The following ATRNL1 variants were observed in gnomAD, a reference collection of about 807,000 sequenced individuals.
The protein encoded by ATRNL1 is attractin like 1.
In ATRNL1, 95 loss-of-function variants were observed where a neutral mutation model predicts 182.7. The observed-to-expected ratio is 0.52, with a 90% CI of 0.44 to 0.62. The LOEUF is 0.62. Ranked by LOEUF, ATRNL1 falls within the 20% of genes least tolerant of loss-of-function variation. The probability of loss-of-function intolerance (pLI) is 0.00; values close to 1 mark genes in which losing one functional copy is unlikely to be tolerated. For synonymous variants in ATRNL1, 576 were observed against 568.3 expected (o/e 1.01, Z -0.19); for missense variants, 1,471 against 1,679.5 (o/e 0.88, Z 2.17).
intron 27 of ATRNL1, among the ~76,000 whole-genome samples, chr10:115,841,107 T>C (rs1215601647): frequency 1.3e-5 from 2 of 152,144 alleles, no homozygotes; most frequent in African/African-American, 4.8e-5. Flanking sequence ...AATCAACTTT[T>C]AAGGATAATC....
At chr10:115,531,552 T>A (rs375473232) in intron 25 of ATRNL1, among the ~76,000 whole-genome samples, 24,707 of 148,024 alleles carry the variant, frequency 0.17, 2,676 homozygotes, top group Non-Finnish European at 0.24. Context: ...GAGTAGGTTG[T>A]GAAAATTTTC....
Position 115,165,551 on chromosome 10 carries a change from CT to C in ATRNL1, c.1005-3del. 3 of 1,441,394 alleles carry C rather than the reference CT, an allele frequency of 2.1e-6. No homozygotes were observed. The highest frequency in any genetic ancestry group is 2.1e-5 in the Admixed American group (1 of 47,164). 89.3% of individuals were successfully genotyped at this position (1,441,394 alleles called of 1,614,324 possible). On this transcript the variant is annotated splice_polypyrimidine_tract_variant and splice_region_variant and intron_variant, in intron 6 of 28. Coordinates refer to ENST00000355044, the MANE Select transcript of ATRNL1 (RefSeq NM_207303.4). ...CTTATGAAGTTATTTTCTTTTCTTG[CT>C]TTTAGTTACAATTTAGAAAGCAGTA...
intron 28 of ATRNL1, among the ~76,000 whole-genome samples, chr10:115,881,798 G>A (rs1555108633): frequency 6.6e-6 from 1 of 152,128 alleles, no homozygotes; most frequent in African/African-American, 2.4e-5. Flanking sequence ...AGGTCTGTCT[G>A]CTTCTAAATT....
At chr10:115,678,360 A>G (rs1468037520) in intron 26 of ATRNL1, among the ~76,000 whole-genome samples, 1 of 152,134 alleles carries the variant, frequency 6.6e-6, no homozygotes, top group Admixed American at 6.6e-5. Flanking sequence ...TAGGTTAAGA[A>G]ATAAACTACG....
intron 1 of ATRNL1, among the ~76,000 whole-genome samples, chr10:115,103,363 T>C (rs1843862448): frequency 6.6e-6 from 1 of 152,166 alleles, no homozygotes; most frequent in Admixed American, 6.5e-5. Context: ...TATACCAAAA[T>C]ATTTTATGTT....
intron 27 of ATRNL1, among the ~76,000 whole-genome samples, chr10:115,805,856 T>A (rs1487556781): frequency 6.6e-6 from 1 of 152,128 alleles, no homozygotes; most frequent in South Asian, 2.1e-4. Flanking sequence ...ATTTTTGCAT[T>A]CAGAAATTAC....
intron 17 of ATRNL1, among the ~76,000 whole-genome samples, chr10:115,313,395 C>G (rs1018593466): frequency 6.6e-6 from 1 of 151,998 alleles, no homozygotes; most frequent in Admixed American, 6.6e-5. Flanking sequence ...CATGAAGGCT[C>G]TGTATGAGTT....
intron 8 of ATRNL1, among the ~76,000 whole-genome samples, chr10:115,173,694 A>G (rs191197452): frequency 1.4e-4 from 21 of 152,024 alleles, no homozygotes; most frequent in Admixed American, 1.1e-3. Context: ...ATTACTTACT[A>G]TTATAAAGTG....
chr10:115,377,225 T>TAACTG lies in ATRNL1; in HGVS notation c.3176-17431_3176-17427dup, dbSNP rs527549354. Among the ~76,000 whole-genome samples, 155 of 152,268 alleles carry TAACTG rather than the reference T, an allele frequency of 1.0e-3. 3 individuals carry two copies. The South Asian group carries it at 0.031, about 31-fold the overall frequency. ...GTTGTGGGAGGGACCCAGTGGGAGA[T>TAACTG]AACTGAATCACGACGGCAGTTTTTC... On this transcript the variant is annotated intron_variant, in intron 19 of 28. Coordinates refer to ENST00000355044, the MANE Select transcript of ATRNL1 (RefSeq NM_207303.4).
chr10:115,317,018 G>A (rs140371358), intron 18 of ATRNL1, among the ~76,000 whole-genome samples: 1 of 152,044 alleles, frequency 6.6e-6, no homozygotes, highest in East Asian at 1.9e-4. Flanking sequence ...TTATTGCCTA[G>A]GTTTTCTTCT....
At chr10:115,842,919 A>C (rs1423676673) in intron 27 of ATRNL1, among the ~76,000 whole-genome samples, 1 of 152,080 alleles carries the variant, frequency 6.6e-6, no homozygotes, top group Non-Finnish European at 1.5e-5. Flanking sequence ...GTTACATACA[A>C]TAATGCATGT....
intron 24 of ATRNL1, among the ~76,000 whole-genome samples, chr10:115,495,587 T>G (rs1421043468): frequency 6.6e-6 from 1 of 152,180 alleles, no homozygotes; most frequent in Non-Finnish European, 1.5e-5. Context: ...CCCGAAGTCA[T>G]TCAGGAGTAG....
chr10:115,880,919 A>G lies in ATRNL1; in HGVS notation c.4018+32928A>G, dbSNP rs185245113. On this transcript the variant is annotated intron_variant, in intron 28 of 28. Coordinates refer to ENST00000355044, the MANE Select transcript of ATRNL1 (RefSeq NM_207303.4). ...TTGTTTTCCCCTTGAGAAACCAAAA[A>G]GAACAAGCTCTGAATAGAGGTGTGA... 3.3e-5 allele frequency among the ~76,000 whole-genome samples: 5 copies of G among 152,330 alleles called. No individual in the cohort carries two copies. In the East Asian group the frequency reaches 9.7e-4, roughly 29 times the overall value.
chr10:115,930,239 C>T (rs937644126), intron 28 of ATRNL1, among the ~76,000 whole-genome samples: 6 of 152,146 alleles, frequency 3.9e-5, no homozygotes, highest in Non-Finnish European at 7.4e-5. Context: ...TAACCACAGT[C>T]ATTCTAGAGA....
At chr10:115,426,391 C>A (rs1299882099) in intron 21 of ATRNL1, 89 bp downstream of exon 21, 1 of 895,220 alleles carries the variant, frequency 1.1e-6, no homozygotes, top group South Asian at 1.9e-5. Context: ...CTAAAATTGT[C>A]ATGAATATCT....
intron 21 of ATRNL1, among the ~76,000 whole-genome samples, chr10:115,451,435 T>C (rs569573442): frequency 4.6e-5 from 7 of 151,982 alleles, no homozygotes; most frequent in Non-Finnish European, 1.0e-4. Flanking sequence ...AGCAACCTCA[T>C]TAAAAAGTGG....
intron 20 of ATRNL1, among the ~76,000 whole-genome samples, chr10:115,423,363 G>A (rs1272685052): frequency 6.6e-6 from 1 of 151,856 alleles, no homozygotes; most frequent in Non-Finnish European, 1.5e-5. Context: ...GCAAAACCCT[G>A]TCTTAAGAAA....
rs979772426 is a variant in ATRNL1 at position 115,581,576 on chromosome 10, T to G, written c.3795+32040T>G. ...AAAAGTCTAGTTTGATATATGTAAA[T>G]TAAAATATATATGTGCATATGTATA... On this transcript the variant is annotated intron_variant, in intron 26 of 28. Coordinates refer to ENST00000355044, the MANE Select transcript of ATRNL1 (RefSeq NM_207303.4). Among the ~76,000 whole-genome samples the G allele has an allele frequency of 2.6e-5, 4 of 152,188 alleles. No individual in the cohort carries two copies. The East Asian group carries it at 7.7e-4, about 29-fold the overall frequency.
chr10:115,507,462 A>G (rs781830620), intron 24 of ATRNL1, among the ~76,000 whole-genome samples: 1 of 152,096 alleles, frequency 6.6e-6, no homozygotes, highest in Non-Finnish European at 1.5e-5. Flanking sequence ...AAGAAAAAGG[A>G]CAGGTAACCT....
Sources: allele counts gnomAD v4.1 joint callset (sites outside exome capture counted in the v4.1 genomes callset), GRCh38; gene constraint gnomAD v4.1.1; transcripts MANE v1.5; gene names NCBI Gene and HGNC (gene_info 2026-07-23, HGNC 2026-07-21).